AGBL4: variants seen among roughly 807,000 people sequenced by gnomAD.
The protein encoded by AGBL4 is AGBL carboxypeptidase 4, also known as cytosolic carboxypeptidase 6.
A neutral mutation model predicts 66.4 loss-of-function variants in AGBL4; 58 were observed. That is an observed-to-expected ratio of 0.87 (90% CI 0.71 to 1.09). The LOEUF (loss-of-function observed/expected upper bound fraction) is 1.09. Among genes scored for constraint, AGBL4 ranks in the 50% least tolerant of loss-of-function variants. AGBL4 has a pLI of 0.00. For missense variants in AGBL4, 579 were observed against 631.0 expected (o/e 0.92, Z 0.88); for synonymous variants, 234 against 222.9 (o/e 1.05, Z -0.44).
At chr1:48,672,396 C>G (rs1385008707) in intron 6 of AGBL4, among the ~76,000 whole-genome samples, 2 of 152,100 alleles carry the variant, frequency 1.3e-5, no homozygotes, top group African/African-American at 4.8e-5. Context: ...GATGAGGGAG[C>G]CAAGATAAAA....
chr1:49,417,893 T>C (rs1350806055), intron 3 of AGBL4, among the ~76,000 whole-genome samples: 1 of 152,162 alleles, frequency 6.6e-6, no homozygotes, highest in Non-Finnish European at 1.5e-5. Context: ...ATGCATTTCA[T>C]TTTAATTTTC....
intron 8 of AGBL4, among the ~76,000 whole-genome samples, chr1:48,652,425 G>A (rs566972381): frequency 6.6e-6 from 1 of 152,296 alleles, no homozygotes; most frequent in African/African-American, 2.4e-5. Flanking sequence ...AATAGGACAT[G>A]TCTGGGGAAC....
At position 48,533,473 on chromosome 1, in the gene AGBL4, A is replaced by G. The variant is rs1643922267; in HGVS notation, c.*700T>C. On this transcript the variant is annotated 3_prime_UTR_variant, in exon 14 of 14. Coordinates refer to ENST00000371839, the MANE Select transcript of AGBL4 (RefSeq NM_032785.4). The stretch of plus-strand genomic sequence containing the variant: ...CACCTGGGATCTGGAGACCTTAACC[A>G]TAATAAACCTTTTAAAATGAGTGAC... 1 of 152,510 alleles carries G rather than the reference A, an allele frequency of 6.6e-6. No individual in the cohort carries two copies. The highest frequency in any genetic ancestry group is 2.4e-5 in the African/African-American group (1 of 41,434). 9.4% of individuals were successfully genotyped at this position (152,510 alleles called of 1,614,324 possible).
At chr1:49,761,034 T>C (rs1652267749) in intron 2 of AGBL4, among the ~76,000 whole-genome samples, 2 of 150,212 alleles carry the variant, frequency 1.3e-5, no homozygotes, top group South Asian at 4.3e-4. Context: ...GTGGGGGTAA[T>C]GGGAGGGAAC....
At chr1:49,709,636 C>T (rs1647483871) in intron 2 of AGBL4, among the ~76,000 whole-genome samples, 1 of 152,048 alleles carries the variant, frequency 6.6e-6, no homozygotes, top group Non-Finnish European at 1.5e-5. Context: ...TTCTGTACGG[C>T]AAAAGAAACT....
At chr1:49,753,014 C>T (rs1651598196) in intron 2 of AGBL4, among the ~76,000 whole-genome samples, 1 of 152,172 alleles carries the variant, frequency 6.6e-6, no homozygotes, top group African/African-American at 2.4e-5. Context: ...GGTCTTGACC[C>T]TTTATCCAAT....
intron 1 of AGBL4, among the ~76,000 whole-genome samples, chr1:50,002,664 C>G (rs12024294): frequency 6.6e-6 from 1 of 151,948 alleles, no homozygotes; most frequent in South Asian, 2.1e-4. Context: ...CCACCGCGCC[C>G]GGCCAGCCCT....
At chr1:49,848,821 T>C (rs1557509869) in intron 2 of AGBL4, among the ~76,000 whole-genome samples, 1 of 152,166 alleles carries the variant, frequency 6.6e-6, no homozygotes, top group South Asian at 2.1e-4. Context: ...TAAAAAACTT[T>C]AGGTGCTAAT....
rs1256575430 is a variant in AGBL4, at chr1:49,468,658, AT to A, written c.283-222795del. ...TTCACTATTTTCAAATTTCAGCATT[AT>A]TTTTTTACAATTCACTATGCTATGT... On this transcript the variant is annotated intron_variant, in intron 3 of 13. Transcript: ENST00000371839. 1.1e-4 allele frequency among the ~76,000 whole-genome samples: 17 copies of A among 151,778 alleles called. No homozygotes were observed. In the East Asian group the frequency reaches 3.1e-3, roughly 28 times the overall value.
At chr1:49,048,634 A>G (rs1380239699) in intron 4 of AGBL4, among the ~76,000 whole-genome samples, 2 of 151,898 alleles carry the variant, frequency 1.3e-5, no homozygotes, top group Admixed American at 6.6e-5. Context: ...GGAGGAAAAA[A>G]CGTCTCCTTC....
At chr1:49,452,881 G>A (rs1208905087) in intron 3 of AGBL4, among the ~76,000 whole-genome samples, 1 of 151,896 alleles carries the variant, frequency 6.6e-6, no homozygotes, top group Non-Finnish European at 1.5e-5. Context: ...CTGTGTGTGT[G>A]TAGGAGACAT....
chr1:48,612,170 T>C (rs1225737606), intron 9 of AGBL4, among the ~76,000 whole-genome samples: 1 of 152,250 alleles, frequency 6.6e-6, no homozygotes, highest in East Asian at 1.9e-4. Flanking sequence ...GGACAGAATA[T>C]AACCACATTT....
downstream of AGBL4, among the ~76,000 whole-genome samples, chr1:48,529,928 T>G (rs1569635959): frequency 6.6e-6 from 1 of 152,166 alleles, no homozygotes; most frequent in Non-Finnish European, 1.5e-5. Context: ...GAATGAGAGA[T>G]AGGAAGAAGG....
intron 3 of AGBL4, among the ~76,000 whole-genome samples, chr1:49,645,701 C>T (rs975088102): frequency 2.0e-5 from 3 of 149,724 alleles, no homozygotes; most frequent in African/African-American, 7.3e-5. Flanking sequence ...TATCCTAACA[C>T]CAAAACCAGA....
chr1:49,933,064 T>A (rs532345899), intron 1 of AGBL4, among the ~76,000 whole-genome samples: 3 of 152,232 alleles, frequency 2.0e-5, no homozygotes, highest in African/African-American at 7.2e-5. Context: ...TCCAGATTTA[T>A]GAAGCCCAAA....
intron 3 of AGBL4, among the ~76,000 whole-genome samples, 200 bp from the exon 4 acceptor site, chr1:49,246,064 C>G (rs1411177826): frequency 6.6e-6 from 1 of 151,874 alleles, no homozygotes; most frequent in African/African-American, 2.4e-5. Context: ...AGCTCTGGAA[C>G]CTGGAAACTT....
chr1:49,855,140 T>A (rs559667234), intron 1 of AGBL4, among the ~76,000 whole-genome samples: 1 of 152,106 alleles, frequency 6.6e-6, no homozygotes. Flanking sequence ...CCTAGCAGCA[T>A]GAGAATGAAC....
intron 5 of AGBL4, among the ~76,000 whole-genome samples, chr1:48,941,218 A>C (rs1401136821): frequency 6.6e-6 from 1 of 152,192 alleles, no homozygotes; most frequent in East Asian, 1.9e-4. Flanking sequence ...AATAGCTCTG[A>C]GTGTGTGAAT....
chr1:49,806,122 G>T (rs1385442542), intron 2 of AGBL4, among the ~76,000 whole-genome samples: 2 of 152,122 alleles, frequency 1.3e-5, no homozygotes, highest in African/African-American at 4.8e-5. Flanking sequence ...GACTGTTAAG[G>T]GTGGCTCTGA....
Sources: gnomAD v4.1 joint callset for allele counts (sites outside exome capture counted in the v4.1 genomes callset) on GRCh38, gnomAD v4.1.1 for gene constraint, MANE v1.5 for transcripts, NCBI Gene and HGNC (gene_info 2026-07-23, HGNC 2026-07-21) for gene names.